The following RAP1GDS1 variants were observed in gnomAD, a reference collection of about 807,000 sequenced individuals.
The protein encoded by RAP1GDS1 is RAP1, GTP-GDP dissociation stimulator 1.
A neutral mutation model predicts 71.1 loss-of-function variants in RAP1GDS1; 35 were observed. The ratio of observed to expected loss-of-function variants is 0.49; its 90% CI spans 0.38 to 0.65. RAP1GDS1 has a LOEUF of 0.65. RAP1GDS1 is among the 30% of genes least tolerant of loss of function. The probability of loss-of-function intolerance (pLI) is 0.00; values close to 1 mark genes in which losing one functional copy is unlikely to be tolerated. For synonymous variants in RAP1GDS1, 229 were observed against 243.1 expected (o/e 0.94, Z 0.54); for missense variants, 663 against 706.1 (o/e 0.94, Z 0.69).
intron 10 of RAP1GDS1, among the ~76,000 whole-genome samples, chr4:98,419,145 T>G (rs1748445061): frequency 6.6e-6 from 1 of 152,146 alleles, no homozygotes; most frequent in Admixed American, 6.5e-5. Context: ...AGCCTCTACC[T>G]TCTGAGCTCA....
In RAP1GDS1 at chr4:98,261,436, C is replaced by T. The variant is rs1721943366; in HGVS notation, c.-130C>T. 3 of 905,018 alleles carry T rather than the reference C, an allele frequency of 3.3e-6. No individual in the cohort carries two copies. Among genetic ancestry groups the T allele is most frequent in the Non-Finnish European group, 3.0e-6 (2 of 661,636 alleles). 56.1% of individuals were successfully genotyped at this position (905,018 alleles called of 1,614,324 possible). A position where few individuals can be genotyped will look rare whatever the true frequency, so the allele number is the denominator to read the frequency against. Reference sequence around the variant, plus strand: ...TGCAGCAGCACCAGCTGCTCCTCCCCGGCGGCCGCCCCCCGCGGGTCCCTC... The same window carrying T: ...TGCAGCAGCACCAGCTGCTCCTCCCTGGCGGCCGCCCCCCGCGGGTCCCTC... On this transcript the variant is annotated 5_prime_UTR_variant, in exon 1 of 15. Coordinates refer to ENST00000408927, the MANE Select transcript of RAP1GDS1 (RefSeq NM_001100427.2).
chr4:98,404,304 T>C (rs1745831084), intron 6 of RAP1GDS1, among the ~76,000 whole-genome samples, 173 bp from the exon 7 acceptor site: 1 of 152,192 alleles, frequency 6.6e-6, no homozygotes, highest in South Asian at 2.1e-4. Flanking sequence ...ACATTTTCTC[T>C]AAAGCCTTAG....
intron 2 of RAP1GDS1, chr4:98,296,803 TG>T (rs1727820897): frequency 4.0e-6 from 1 of 248,696 alleles, no homozygotes; most frequent in Non-Finnish European, 7.9e-6. Flanking sequence ...TTGGAGAATG[TG>T]GCATCTAAAT....
chr4:98,362,457 A>G lies in RAP1GDS1; in HGVS notation c.361+9856A>G, dbSNP rs528297332. Among the ~76,000 whole-genome samples, 5 of 152,306 alleles carry G rather than the reference A, an allele frequency of 3.3e-5. No individual in the cohort carries two copies. The South Asian group carries it at 1.0e-3, about 32-fold the overall frequency. On this transcript the variant is annotated intron_variant, in intron 4 of 14. Transcript: ENST00000408927. The stretch of plus-strand genomic sequence containing the variant: ...TACCACACTCCAGCCTGGGTGACAG[A>G]GCAAGACCTTGTCTGAAAACAGACA...
chr4:98,348,156 C>T (rs1736586161), intron 3 of RAP1GDS1, among the ~76,000 whole-genome samples: 1 of 152,038 alleles, frequency 6.6e-6, no homozygotes, highest in African/African-American at 2.4e-5. Flanking sequence ...TGATGTTCCC[C>T]TTCCTATGTC....
chr4:98,357,047 T>G (rs1444816435), intron 4 of RAP1GDS1, among the ~76,000 whole-genome samples: 6 of 152,074 alleles, frequency 3.9e-5, no homozygotes, highest in Middle Eastern at 6.8e-3. Flanking sequence ...TTGTACAATA[T>G]TTTATCATGT....
intron 4 of RAP1GDS1, among the ~76,000 whole-genome samples, chr4:98,360,549 A>G (rs895473297): frequency 2.0e-5 from 3 of 152,210 alleles, no homozygotes; most frequent in African/African-American, 7.2e-5. Flanking sequence ...GTCAAAGTTT[A>G]GATATGTGAA....
chr4:98,343,611 G>A (rs2110398483), intron 3 of RAP1GDS1, among the ~76,000 whole-genome samples: 1 of 152,022 alleles, frequency 6.6e-6, no homozygotes, highest in African/African-American at 2.4e-5. Context: ...ATTTATGTTT[G>A]TTTGTGTTAT....
At chr4:98,421,515 G>C in intron 12 of RAP1GDS1, 121 bp downstream of exon 12, 1 of 1,110,884 alleles carries the variant, frequency 9.0e-7, no homozygotes, top group Non-Finnish European at 1.2e-6. Context: ...GATTCAGTGA[G>C]ATCATGTATA....
intron 2 of RAP1GDS1, among the ~76,000 whole-genome samples, chr4:98,307,254 T>C (rs1729463425): frequency 6.6e-6 from 1 of 152,024 alleles, no homozygotes; most frequent in Non-Finnish European, 1.5e-5. Context: ...TTTTTTTCTG[T>C]CCCATTAATC....
At chr4:98,340,900 T>C (rs1354817925) in intron 2 of RAP1GDS1, among the ~76,000 whole-genome samples, 1 of 152,028 alleles carries the variant, frequency 6.6e-6, no homozygotes, top group Non-Finnish European at 1.5e-5. Context: ...AAGATGAGTA[T>C]TGAAAAACTA....
chr4:98,278,964 T>C (rs1724638274), intron 1 of RAP1GDS1, among the ~76,000 whole-genome samples: 1 of 152,174 alleles, frequency 6.6e-6, no homozygotes, highest in African/African-American at 2.4e-5. Flanking sequence ...GGCTCACGCC[T>C]GTAATCCCAG....
chr4:98,293,614 A>G lies in RAP1GDS1; in HGVS notation c.112+99A>G, dbSNP rs1727279979. The G allele has an allele frequency of 4.9e-6, 4 of 813,050 alleles. No homozygotes were observed. In the South Asian group the frequency reaches 6.8e-5, roughly 14 times the overall value. 50.4% of individuals were successfully genotyped at this position (813,050 alleles called of 1,614,324 possible). ...GTTAAGCACATAACTTTGTATTCAT[A>G]TAACTTGAATTCTTTTGAATCATAT... On this transcript the variant is annotated intron_variant, in intron 2 of 14. Coordinates refer to ENST00000408927, the MANE Select transcript of RAP1GDS1 (RefSeq NM_001100427.2).
At chr4:98,413,794 C>A (rs1481785405) in intron 7 of RAP1GDS1, among the ~76,000 whole-genome samples, 2 of 152,162 alleles carry the variant, frequency 1.3e-5, no homozygotes, top group African/African-American at 4.8e-5. Flanking sequence ...GGAATCGCCA[C>A]ACTGACTTCC....
chr4:98,268,776 T>C (rs1314016075), intron 1 of RAP1GDS1, among the ~76,000 whole-genome samples: 1 of 152,072 alleles, frequency 6.6e-6, no homozygotes, highest in Non-Finnish European at 1.5e-5. Context: ...GTGAAAGATC[T>C]CTATGCTGAA....
chr4:98,406,205 C>T (rs895622883), intron 7 of RAP1GDS1, among the ~76,000 whole-genome samples: 1 of 151,960 alleles, frequency 6.6e-6, no homozygotes, highest in Non-Finnish European at 1.5e-5. Flanking sequence ...AGTTTTAAGA[C>T]ACAGTATTTC....
intron 6 of RAP1GDS1, among the ~76,000 whole-genome samples, chr4:98,398,022 A>G (rs1009602881): frequency 2.0e-5 from 3 of 152,096 alleles, no homozygotes; most frequent in African/African-American, 7.2e-5. Flanking sequence ...CATAGCTCCT[A>G]ATCAGTTTAT....
intron 2 of RAP1GDS1, among the ~76,000 whole-genome samples, chr4:98,327,695 C>A (rs1225266709): frequency 1.3e-5 from 2 of 152,084 alleles, no homozygotes; most frequent in African/African-American, 4.8e-5. Flanking sequence ...TTGATTGTCC[C>A]TTGGTGCTGG....
At chr4:98,338,724 C>T (rs1314053219) in intron 2 of RAP1GDS1, among the ~76,000 whole-genome samples, 1 of 152,120 alleles carries the variant, frequency 6.6e-6, no homozygotes, top group East Asian at 1.9e-4. Flanking sequence ...AATCCAAATA[C>T]ACTTTTAACC....
Sources: allele counts gnomAD v4.1 joint callset (sites outside exome capture counted in the v4.1 genomes callset), GRCh38; gene constraint gnomAD v4.1.1; transcripts MANE v1.5; gene names NCBI Gene and HGNC (gene_info 2026-07-23, HGNC 2026-07-21).